IFT74: variants seen among roughly 807,000 people sequenced by gnomAD.
The protein encoded by IFT74 is intraflagellar transport 74.
In IFT74, 92 loss-of-function variants were observed where a neutral mutation model predicts 96.7. That is an observed-to-expected ratio of 0.95 (90% CI 0.80 to 1.13). The LOEUF is 1.13. IFT74 is among the 50% of genes most tolerant of loss of function. The pLI, the probability that IFT74 is intolerant of heterozygous loss-of-function variation, is 0.00. For missense variants in IFT74, 811 were observed against 698.2 expected, an observed-to-expected ratio of 1.16 and a Z score of -1.82; for synonymous variants, 223 against 213.2, an observed-to-expected ratio of 1.05 and a Z score of -0.40.
chr9:26,955,497 C>A (rs1347120608), upstream of IFT74, among the ~76,000 whole-genome samples: 1 of 152,144 alleles, frequency 6.6e-6, no homozygotes, highest in African/African-American at 2.4e-5. Context: ...CTGTCACTTT[C>A]AGTTCCTGTA....
intron 8 of IFT74, among the ~76,000 whole-genome samples, chr9:26,992,131 CAA>C (rs1194276995): frequency 1.3e-5 from 2 of 152,032 alleles, no homozygotes; most frequent in Admixed American, 1.3e-4. Context: ...TCATTTATCT[CAA>C]AGTTATATAA....
At chr9:27,024,535 C>T (rs1587372866) in intron 12 of IFT74, among the ~76,000 whole-genome samples, 1 of 152,174 alleles carries the variant, frequency 6.6e-6, no homozygotes, top group Non-Finnish European at 1.5e-5. Context: ...AGTCTCAGAT[C>T]TTTCTTCTGT....
At chr9:26,994,146 T>A (rs1198767779) in intron 8 of IFT74, 1 of 152,178 alleles carries the variant, frequency 6.6e-6, no homozygotes, top group East Asian at 1.9e-4. Flanking sequence ...ACTGAAAGAA[T>A]GGGTTTTGTT....
chr9:26,985,253 T>C (rs1009866157), intron 6 of IFT74, among the ~76,000 whole-genome samples: 11 of 152,140 alleles, frequency 7.2e-5, no homozygotes, highest in Admixed American at 6.6e-4. Context: ...AGCTAAATGA[T>C]AACACATAGA....
At chr9:27,022,954 T>C (rs563764772) in intron 12 of IFT74, among the ~76,000 whole-genome samples, 23 of 152,230 alleles carry the variant, frequency 1.5e-4, no homozygotes, top group Admixed American at 1.3e-4. Flanking sequence ...TTGATTTCTT[T>C]TCAGCTTGGT....
At chr9:26,985,514 A>G (rs1827593249) in intron 6 of IFT74, among the ~76,000 whole-genome samples, 1 of 152,190 alleles carries the variant, frequency 6.6e-6, no homozygotes, top group Non-Finnish European at 1.5e-5. Context: ...ATTATTTAAA[A>G]TACCAAATAG....
In IFT74 at chr9:26,997,737, C is replaced by A; in HGVS notation, c.587+7542C>A. 1 of 1,600,580 alleles carries A rather than the reference C, an allele frequency of 6.2e-7. No homozygotes were observed. Among genetic ancestry groups the A allele is most frequent in the South Asian group, 1.1e-5 (1 of 87,726 alleles). ...AATTATGATAGCTTACCTAATGTCA[C>A]ATTTGATGTGTTCAACCAGTTCTGC... On this transcript the variant is annotated intron_variant, in intron 8 of 19. Transcript: ENST00000380062.
At chr9:26,989,108 G>A (rs1234831915) in intron 7 of IFT74, among the ~76,000 whole-genome samples, 2 of 152,148 alleles carry the variant, frequency 1.3e-5, no homozygotes, top group African/African-American at 4.8e-5. Flanking sequence ...TTTGTCACCA[G>A]TGGAGAAAAA....
intron 8 of IFT74, among the ~76,000 whole-genome samples, 156 bp from the exon 9 acceptor site, chr9:27,008,864 T>C (rs1157430588): frequency 2.0e-5 from 3 of 152,158 alleles, no homozygotes; most frequent in African/African-American, 7.2e-5. Flanking sequence ...ATAGGTCAAA[T>C]AGCATTTTTT....
intron 10 of IFT74, among the ~76,000 whole-genome samples, chr9:27,014,620 A>T (rs12351290): frequency 0.051 from 7,797 of 151,988 alleles, 366 homozygotes; most frequent in African/African-American, 0.12. Context: ...AAAAAAAAAA[A>T]TTTTTTTGAG....
intron 10 of IFT74, among the ~76,000 whole-genome samples, chr9:27,015,412 C>G (rs779510770): frequency 3.3e-5 from 5 of 151,896 alleles, no homozygotes; most frequent in Non-Finnish European, 5.9e-5. Flanking sequence ...CTGAGATGGG[C>G]GGATCACGAG....
At chr9:27,047,183 T>C in intron 14 of IFT74, 91 bp from the exon 15 acceptor site, 2 of 734,682 alleles carry the variant, frequency 2.7e-6, no homozygotes, top group Non-Finnish European at 4.4e-6. Flanking sequence ...AAAAAGAAAA[T>C]TCTAAAAAGC....
At chr9:27,037,466 G>A (rs1190509915) in intron 13 of IFT74, among the ~76,000 whole-genome samples, 1 of 152,218 alleles carries the variant, frequency 6.6e-6, no homozygotes, top group Middle Eastern at 3.2e-3. Flanking sequence ...AGGAGAATCA[G>A]CATTAGCTGA....
chr9:26,974,879 A>C (rs1827038915), intron 2 of IFT74, among the ~76,000 whole-genome samples: 1 of 152,204 alleles, frequency 6.6e-6, no homozygotes, highest in Admixed American at 6.5e-5. Flanking sequence ...ATATTTACAA[A>C]GCCAATGGCT....
rs373536430 is a variant in IFT74 at position 26,990,219 on chromosome 9, T to C, written c.587+24T>C. On this transcript the variant is annotated intron_variant, in intron 8 of 19. Coordinates refer to ENST00000380062, the MANE Select transcript of IFT74 (RefSeq NM_025103.4). ...GCGTAAGTATAGCTAATTTAAAAAT[T>C]AGATTCATAAGTAAGCTTTATTAGG... 22 of 1,229,218 alleles carry C rather than the reference T, an allele frequency of 1.8e-5. No homozygotes were observed. In the East Asian group the frequency reaches 2.7e-4, roughly 15 times the overall value. 76.1% of individuals were successfully genotyped at this position (1,229,218 alleles called of 1,614,324 possible).
intron 10 of IFT74, among the ~76,000 whole-genome samples, chr9:27,015,657 G>C (rs950836354): frequency 2.6e-5 from 4 of 152,020 alleles, no homozygotes; most frequent in Non-Finnish European, 5.9e-5. Context: ...AAAAAATGAG[G>C]TCTTCCCTTC....
chr9:27,024,558 A>C (rs1215213878), intron 12 of IFT74, among the ~76,000 whole-genome samples: 1 of 152,160 alleles, frequency 6.6e-6, no homozygotes, highest in Non-Finnish European at 1.5e-5. Flanking sequence ...TAGTCTACCC[A>C]AATGAGAAGG....
At chr9:26,967,722 T>C (rs917561242) in intron 2 of IFT74, among the ~76,000 whole-genome samples, 1 of 152,240 alleles carries the variant, frequency 6.6e-6, no homozygotes, top group African/African-American at 2.4e-5. Flanking sequence ...GGATACTAGC[T>C]GTGGATCTGT....
intron 13 of IFT74, among the ~76,000 whole-genome samples, chr9:27,040,475 G>T (rs538338676): frequency 6.6e-6 from 1 of 150,746 alleles, no homozygotes; most frequent in South Asian, 2.1e-4. Context: ...CTTGAACCTG[G>T]GAGGCGGAGG....
Sources: allele counts gnomAD v4.1 joint callset (sites outside exome capture counted in the v4.1 genomes callset), GRCh38; gene constraint gnomAD v4.1.1; transcripts MANE v1.5; gene names NCBI Gene and HGNC (gene_info 2026-07-23, HGNC 2026-07-21).